Variants in SIL1 observed in about 807,000 individuals in gnomAD.
The protein encoded by SIL1 is nucleotide exchange factor SIL1.
A neutral mutation model predicts 49.1 loss-of-function variants in SIL1; 40 were observed. The ratio of observed to expected loss-of-function variants is 0.81; its 90% CI spans 0.63 to 1.06. The LOEUF (loss-of-function observed/expected upper bound fraction) is 1.06, where lower values mean the gene tolerates loss of function less well. Among genes scored for constraint, SIL1 ranks in the 50% least tolerant of loss-of-function variants. The pLI, the probability that SIL1 is intolerant of heterozygous loss-of-function variation, is 0.00. For synonymous variants in SIL1, 253 were observed against 250.8 expected (o/e 1.01, Z -0.08); for missense variants, 500 against 572.6 (o/e 0.87, Z 1.29).
At chr5:139,095,474 C>A (rs1010261971) in intron 3 of SIL1, among the ~76,000 whole-genome samples, 5 of 152,112 alleles carry the variant, frequency 3.3e-5, no homozygotes, top group Admixed American at 2.6e-4. Context: ...GTTGGCCACG[C>A]TGGTCTTGAA....
At chr5:139,174,937 C>CAAAAAAAA (rs56959325) in intron 1 of SIL1, among the ~76,000 whole-genome samples, 421 of 58,876 alleles carry the variant, frequency 7.2e-3, no homozygotes, top group East Asian at 8.3e-3. Context: ...GACTGTGTCT[C>CAAAAAAAA]AAAAAAAAAA....
chr5:138,978,904 G>A (rs1398295507), intron 7 of SIL1, among the ~76,000 whole-genome samples: 6 of 151,868 alleles, frequency 4.0e-5, no homozygotes, highest in Non-Finnish European at 7.4e-5. Context: ...TTTTAATTAC[G>A]TTGTTTTCTG....
rs1008130236 is a variant in SIL1, at chr5:138,948,175, G to A, written c.1030-702C>T. On this transcript the variant is annotated intron_variant, in intron 9 of 9. Transcript: ENST00000394817. The surrounding 1 kb of genome is among the most constrained non-coding windows in gnomAD (Gnocchi z 4.8). ...GGAAGATGCACAAGGCAAGAGGGAA[G>A]CCCAGGAGAAGAGGAGGCCACAGTG... Among the ~76,000 whole-genome samples, 1 of 152,204 alleles carries A rather than the reference G, an allele frequency of 6.6e-6. No homozygotes were observed. Among genetic ancestry groups the A allele is most frequent in the African/African-American group, 2.4e-5 (1 of 41,440 alleles).
At chr5:138,966,010 A>G (rs945480329) in intron 7 of SIL1, among the ~76,000 whole-genome samples, 5 of 152,024 alleles carry the variant, frequency 3.3e-5, no homozygotes, top group African/African-American at 1.2e-4. Context: ...ACAATAAATT[A>G]TGTGGTCACC....
In SIL1 at chr5:139,000,154, G is replaced by T. The variant is rs563126101; in HGVS notation, c.767+21017C>A. Among the ~76,000 whole-genome samples the T allele has an allele frequency of 5.9e-5, 9 of 152,238 alleles. No individual in the cohort carries two copies. In the South Asian group the frequency reaches 1.9e-3, roughly 32 times the overall value. On this transcript the variant is annotated intron_variant, in intron 7 of 9. Coordinates refer to ENST00000394817, the MANE Select transcript of SIL1 (RefSeq NM_022464.5). ...GGTATGTTCCTTCTATATCCAGTTT[G>T]TTGAGGGTGTTTATCATAAAGGGAT... is the stretch of plus-strand genomic sequence containing the variant.
intron 7 of SIL1, among the ~76,000 whole-genome samples, chr5:138,956,402 T>G (rs1272757152): frequency 6.6e-6 from 1 of 152,242 alleles, no homozygotes; most frequent in African/African-American, 2.4e-5. Context: ...ACATCTATAT[T>G]TGCCTGCCAT....
chr5:139,065,912 A>G (rs775936053), intron 3 of SIL1, among the ~76,000 whole-genome samples: 18 of 152,210 alleles, frequency 1.2e-4, no homozygotes, highest in Non-Finnish European at 2.5e-4. Context: ...CACTTTTGAC[A>G]GAAGTCGTCT....
chr5:139,052,593 A>G (rs1371191199), intron 3 of SIL1, among the ~76,000 whole-genome samples: 2 of 152,170 alleles, frequency 1.3e-5, no homozygotes, highest in African/African-American at 4.8e-5. Flanking sequence ...CTGAGGCAGG[A>G]GAACTGCTTG....
At chr5:139,178,426 G>C (rs1423068452) in intron 1 of SIL1, among the ~76,000 whole-genome samples, 1 of 152,052 alleles carries the variant, frequency 6.6e-6, no homozygotes, top group East Asian at 1.9e-4. Context: ...AGGTAAATAT[G>C]AAATGCCATG....
At chr5:139,057,314 T>TAAAAAAAAAAAAAAAAA (rs67544778) in intron 3 of SIL1, among the ~76,000 whole-genome samples, 1 of 73,390 alleles carries the variant, frequency 1.4e-5, no homozygotes, top group Non-Finnish European at 2.8e-5. Context: ...GAATGATCAA[T>TAAAAAAAAAAAAAAAAA]AAAAAAAAAA....
chr5:139,067,050 G>A (rs142095960), intron 3 of SIL1, among the ~76,000 whole-genome samples: 1 of 152,298 alleles, frequency 6.6e-6, no homozygotes, highest in Non-Finnish European at 1.5e-5. Context: ...GCTGAACAGA[G>A]TGCTTGGTAC....
intron 7 of SIL1, among the ~76,000 whole-genome samples, chr5:138,965,527 C>T (rs1224007656): frequency 6.6e-6 from 1 of 151,998 alleles, no homozygotes; most frequent in Non-Finnish European, 1.5e-5. Flanking sequence ...TGCACTGGGA[C>T]AAGAGGCATA....
rs1166509848 is a variant in SIL1 at position 139,055,611 on chromosome 5, TCCCTCTCC to T, written c.245-4573_245-4566del. On this transcript the variant is annotated intron_variant, in intron 3 of 9. Coordinates refer to ENST00000394817, the MANE Select transcript of SIL1 (RefSeq NM_022464.5). ...CTGACTCTCCCTCTCCCTCTCCCTC[TCCCTCTCC>T]CCCTCTCCCCCTCTCCCCCTCTCCC... Among the ~76,000 whole-genome samples, 161 of 66,204 alleles carry T rather than the reference TCCCTCTCC, an allele frequency of 2.4e-3. 1 individual carries two copies. Among genetic ancestry groups the T allele is most frequent in the Non-Finnish European group, 4.5e-3 (125 of 27,566 alleles). 43.4% of individuals were successfully genotyped at this position (66,204 alleles called of 152,430 possible).
intron 1 of SIL1, among the ~76,000 whole-genome samples, chr5:139,134,979 A>AGGACGCCCAG (rs1750942926): frequency 6.6e-6 from 1 of 152,244 alleles, no homozygotes; most frequent in Non-Finnish European, 1.5e-5. Context: ...GGACACTGAA[A>AGGACGCCCAG]GGACGCCCCT....
At chr5:139,073,138 AG>A (rs1769872743) in intron 3 of SIL1, among the ~76,000 whole-genome samples, 1 of 152,238 alleles carries the variant, frequency 6.6e-6, no homozygotes, top group Non-Finnish European at 1.5e-5. Flanking sequence ...TATGAAAAAT[AG>A]TATGGAGGTT....
At chr5:139,120,927 C>T in intron 3 of SIL1, 108 bp downstream of exon 3, 1 of 1,404,922 alleles carries the variant, frequency 7.1e-7, no homozygotes, top group Non-Finnish European at 9.9e-7. Context: ...CTGTTTCCCT[C>T]CCGCAGGCCA....
chr5:139,043,052 G>A (rs1769080086), intron 4 of SIL1, among the ~76,000 whole-genome samples: 1 of 152,164 alleles, frequency 6.6e-6, no homozygotes. Context: ...ATGTCCCTGG[G>A]TGAATGGCAC....
chr5:139,048,187 G>A (rs576848643), intron 4 of SIL1, among the ~76,000 whole-genome samples: 2 of 151,962 alleles, frequency 1.3e-5, no homozygotes, highest in Admixed American at 6.6e-5. Context: ...GTCTCACTGT[G>A]TCACCCAGGC....
chr5:139,003,216 T>C (rs911759554), intron 7 of SIL1, among the ~76,000 whole-genome samples: 4 of 152,024 alleles, frequency 2.6e-5, no homozygotes, highest in Admixed American at 1.3e-4. Context: ...AAGAAGGGAC[T>C]CTCCCACCCC....
Sources: gnomAD v4.1 joint callset for allele counts (sites outside exome capture counted in the v4.1 genomes callset) on GRCh38, gnomAD v4.1.1 for gene constraint, Gnocchi (gnomAD v3.1) non-coding constraint, MANE v1.5 for transcripts, NCBI Gene and HGNC (gene_info 2026-07-23, HGNC 2026-07-21) for gene names.